Variants in THTPA observed in about 807,000 individuals in gnomAD.
The protein encoded by THTPA is thiamine-triphosphatase.
In THTPA, 16 loss-of-function variants were observed where a neutral mutation model predicts 16.5. The observed-to-expected ratio is 0.97, with a 90% CI of 0.66 to 1.47. THTPA has a LOEUF of 1.47. THTPA is among the 40% of genes most tolerant of loss of function. THTPA has a pLI of 0.00. For missense variants in THTPA, 281 were observed against 280.9 expected (o/e 1.00, Z 0.00); for synonymous variants, 110 against 115.5 (o/e 0.95, Z 0.30).
chr14:23,529,771 G>A, the THTPA span: 2 of 1,536,134 alleles, frequency 1.3e-6, no homozygotes, highest in Non-Finnish European at 8.7e-7. Flanking sequence ...TTCTGAAGCT[G>A]AGGATGAAAG....
the THTPA span, chr14:23,534,364 G>A: frequency 2.0e-6 from 3 of 1,536,694 alleles, no homozygotes; most frequent in African/African-American, 4.1e-5. This position sits in a 1 kb window ranked among gnomAD's most constrained non-coding sequence, Gnocchi z 4.5. Context: ...GCCATCCTCT[G>A]TCTGGGCCAC....
the THTPA span, among the ~76,000 whole-genome samples, chr14:23,545,014 C>T: frequency 6.6e-6 from 1 of 152,010 alleles, no homozygotes; most frequent in Non-Finnish European, 1.5e-5. Flanking sequence ...GGCTCCTCTT[C>T]TCTTCACTCA....
At chr14:23,530,633 A>G in the THTPA span, 1 of 356,530 alleles carries the variant, frequency 2.8e-6, no homozygotes, top group South Asian at 2.2e-5. Context: ...TTACCGCTCA[A>G]GTAAGAATTG....
At chr14:23,530,063 G>C in the THTPA span, 1 of 1,433,230 alleles carries the variant, frequency 7.0e-7, no homozygotes, top group Non-Finnish European at 9.5e-7. Context: ...ATTACTGCAA[G>C]GTCCCGTGAG....
the THTPA span, among the ~76,000 whole-genome samples, chr14:23,519,991 T>C: frequency 6.6e-6 from 1 of 152,348 alleles, no homozygotes; most frequent in Admixed American, 6.5e-5. Flanking sequence ...TGCAGACTTT[T>C]CTTTGCTAAA....
the THTPA span, chr14:23,520,859 A>T: frequency 2.7e-5 from 4 of 148,742 alleles, no homozygotes; most frequent in Middle Eastern, 6.8e-3. The surrounding 1 kb of genome is among the most constrained non-coding windows in gnomAD (Gnocchi z 8.7). Context: ...CACTTGTCTG[A>T]TGGGAGTTTT....
At chr14:23,525,500 G>T in the THTPA span, 1 of 1,535,770 alleles carries the variant, frequency 6.5e-7, no homozygotes, top group Non-Finnish European at 8.7e-7. This position sits in a 1 kb window ranked among gnomAD's most constrained non-coding sequence, Gnocchi z 5.9. Context: ...GGCCCCACAG[G>T]CCAGCTTGTC....
the THTPA span, chr14:23,527,901 CTTTTTTTTTTTTT>C: frequency 3.5e-4 from 156 of 448,950 alleles, 1 homozygote; most frequent in African/African-American, 2.9e-3. Context: ...GCCCCCACTC[CTTTTTTTTTTTTT>C]TTTTTTTTTT....
the THTPA span, chr14:23,525,504 G>A: frequency 4.6e-6 from 7 of 1,535,658 alleles, no homozygotes; most frequent in Admixed American, 1.4e-4. The surrounding 1 kb of genome is among the most constrained non-coding windows in gnomAD (Gnocchi z 5.9). Flanking sequence ...CCACAGGCCA[G>A]CTTGTCCCCA....
the THTPA span, chr14:23,522,051 C>A: frequency 1.3e-6 from 2 of 1,536,438 alleles, no homozygotes; most frequent in Non-Finnish European, 1.7e-6. Flanking sequence ...AAAGCCACAG[C>A]AGCCGAGGCA....
chr14:23,552,349 A>C (rs1291106019), upstream of THTPA, among the ~76,000 whole-genome samples: 1 of 145,742 alleles, frequency 6.9e-6, no homozygotes, highest in African/African-American at 2.6e-5. Context: ...GTTGGAGTGC[A>C]GTGGTGCGAT....
chr14:23,551,891 G>A (rs1466493097), upstream of THTPA, among the ~76,000 whole-genome samples: 1 of 152,208 alleles, frequency 6.6e-6, no homozygotes, highest in East Asian at 1.9e-4. The surrounding 1 kb of genome is among the most constrained non-coding windows in gnomAD (Gnocchi z 5.3). Flanking sequence ...CAGGGCCGGG[G>A]GCAGGCCGGC....
the THTPA span, chr14:23,531,780 A>G: frequency 7.9e-7 from 1 of 1,265,414 alleles, no homozygotes. Context: ...ACCTCAGGGG[A>G]CTTTTTTTTT....
chr14:23,531,349 C>T, the THTPA span: 28 of 1,260,008 alleles, frequency 2.2e-5, no homozygotes, highest in South Asian at 5.3e-5. Flanking sequence ...TTCGCAGCTT[C>T]TTCCCATTTA....
At chr14:23,514,497 C>G in the THTPA span, 1 of 152,398 alleles carries the variant, frequency 6.6e-6, no homozygotes, top group Admixed American at 6.5e-5. Flanking sequence ...GGAAGGGTAC[C>G]TTTCTGCAGA....
chr14:23,554,150 G>C (rs575577690), upstream of THTPA, among the ~76,000 whole-genome samples: 1 of 151,876 alleles, frequency 6.6e-6, no homozygotes, highest in Non-Finnish European at 1.5e-5. Context: ...GTCTGGCTCC[G>C]GAAACTGGTC....
chr14:23,552,342 G>A (rs1032243511), upstream of THTPA, among the ~76,000 whole-genome samples: 13 of 146,982 alleles, frequency 8.8e-5, no homozygotes, highest in Non-Finnish European at 1.5e-4. Flanking sequence ...CGCCCAGGTT[G>A]GAGTGCAGTG....
the THTPA span, among the ~76,000 whole-genome samples, chr14:23,516,158 G>A: frequency 6.6e-6 from 1 of 152,148 alleles, no homozygotes; most frequent in Non-Finnish European, 1.5e-5. Context: ...AGGAGTTTCT[G>A]GTTCAGTTGG....
At chr14:23,515,768 G>C in the THTPA span, among the ~76,000 whole-genome samples, 1 of 152,154 alleles carries the variant, frequency 6.6e-6, no homozygotes, top group Non-Finnish European at 1.5e-5. Flanking sequence ...GCTCAGGGCT[G>C]GGGAAGTTCT....
Sources: allele counts gnomAD v4.1 joint callset (sites outside exome capture counted in the v4.1 genomes callset), GRCh38; gene constraint gnomAD v4.1.1; non-coding constraint Gnocchi (gnomAD v3.1); transcripts MANE v1.5; gene names NCBI Gene and HGNC (gene_info 2026-07-23, HGNC 2026-07-21).